Variants in SEM1 observed in about 807,000 individuals in gnomAD.
SEM1 encodes the protein 26S proteasome complex subunit SEM1.
Under a neutral mutation model 12.7 loss-of-function variants are expected in SEM1, and 3 were observed. The observed-to-expected ratio is 0.24, with a 90% CI of 0.11 to 0.61. The LOEUF is 0.61. Among genes scored for constraint, SEM1 ranks in the 20% least tolerant of loss-of-function variants. The pLI, the probability that SEM1 is intolerant of heterozygous loss-of-function variation, is 0.88. For synonymous variants in SEM1, 30 were observed against 27.8 expected (o/e 1.08, Z -0.25); for missense variants, 59 against 81.3 (o/e 0.73, Z 1.06).
At chr7:96,519,085 C>T (rs1189503064) in intron 2 of SEM1, among the ~76,000 whole-genome samples, 1 of 152,044 alleles carries the variant, frequency 6.6e-6, no homozygotes, top group Non-Finnish European at 1.5e-5. Context: ...AAGCATTTCA[C>T]ATTTTATCAA....
intron 2 of SEM1, among the ~76,000 whole-genome samples, chr7:96,606,279 C>T (rs1246253160): frequency 6.6e-6 from 1 of 152,168 alleles, no homozygotes. Context: ...TAGAAGCCTA[C>T]TCAAGCCAAC....
chr7:96,654,130 T>C (rs1450664186), intron 2 of SEM1, among the ~76,000 whole-genome samples: 1 of 152,208 alleles, frequency 6.6e-6, no homozygotes, highest in Non-Finnish European at 1.5e-5. Context: ...TTCACAGTTA[T>C]TCAATGTTGT....
chr7:96,489,158 A>G (rs1802897341), intron 1 of SEM1, among the ~76,000 whole-genome samples: 1 of 152,170 alleles, frequency 6.6e-6, no homozygotes, highest in Admixed American at 6.5e-5. Context: ...GTACTCTCAC[A>G]GTGCCGCCAG....
chr7:96,601,239 C>G (rs1424743158), intron 2 of SEM1, among the ~76,000 whole-genome samples: 7 of 152,102 alleles, frequency 4.6e-5, no homozygotes, highest in Admixed American at 3.9e-4. Context: ...GACAAAGCTG[C>G]ATTCATGGAA....
At chr7:96,681,181 C>G (rs1789600391) in intron 2 of SEM1, among the ~76,000 whole-genome samples, 1 of 152,048 alleles carries the variant, frequency 6.6e-6, no homozygotes, top group Non-Finnish European at 1.5e-5. Context: ...TGGTGTGTGT[C>G]AATAAGATTG....
intron 2 of SEM1, among the ~76,000 whole-genome samples, chr7:96,616,597 G>A (rs1432743508): frequency 2.0e-5 from 3 of 151,992 alleles, no homozygotes; most frequent in African/African-American, 7.2e-5. Flanking sequence ...ATTTGCTTCT[G>A]GGTACTTAGT....
intron 2 of SEM1, among the ~76,000 whole-genome samples, chr7:96,651,524 A>C (rs878948189): frequency 3.9e-5 from 6 of 152,188 alleles, no homozygotes; most frequent in Admixed American, 2.0e-4. Flanking sequence ...ACTGAAGAAG[A>C]AGCTTCAACC....
intron 2 of SEM1, among the ~76,000 whole-genome samples, chr7:96,623,608 A>G (rs1807964563): frequency 6.7e-6 from 1 of 149,166 alleles, no homozygotes; most frequent in Non-Finnish European, 1.5e-5. Context: ...TTGTTTATAT[A>G]AATATATATG....
chr7:96,541,686 G>T (rs1804960612), intron 2 of SEM1, among the ~76,000 whole-genome samples: 1 of 151,392 alleles, frequency 6.6e-6, no homozygotes, highest in Non-Finnish European at 1.5e-5. Context: ...TGTCCGGAAT[G>T]ATGTTTTCTA....
chr7:96,489,299 T>C (rs1802904336), intron 1 of SEM1, among the ~76,000 whole-genome samples: 1 of 152,148 alleles, frequency 6.6e-6, no homozygotes, highest in Non-Finnish European at 1.5e-5. Context: ...TTCTCAAACA[T>C]TAGTGGCATC....
Position 96,709,808 on chromosome 7 carries a change from G to T in SEM1, c.-45C>A. On this transcript the variant is annotated 5_prime_UTR_variant, in exon 1 of 3. Coordinates refer to ENST00000248566, the MANE Select transcript of SEM1 (RefSeq NM_006304.2). ...CACCTCCCAGATAAGCAGAAAAGTT[G>T]GAACCCTCACTCTTCCTCAAGGAAA... 4 of 1,591,472 alleles carry T rather than the reference G, an allele frequency of 2.5e-6. No homozygotes were observed. The highest frequency in any genetic ancestry group is 2.6e-6 in the Non-Finnish European group (3 of 1,160,388).
chr7:96,660,592 T>C (rs901918243), intron 2 of SEM1, among the ~76,000 whole-genome samples: 11 of 152,162 alleles, frequency 7.2e-5, no homozygotes, highest in African/African-American at 2.7e-4. Context: ...AATGTGCATT[T>C]AGAAATTTTA....
At chr7:96,560,775 G>T in intron 2 of SEM1, among the ~76,000 whole-genome samples, 1 of 151,320 alleles carries the variant, frequency 6.6e-6, no homozygotes, top group African/African-American at 2.4e-5. Context: ...TAACCCCTAT[G>T]GCAGTTGTGT....
At chr7:96,691,061 G>A (rs1313903416) in intron 2 of SEM1, among the ~76,000 whole-genome samples, 2 of 152,186 alleles carry the variant, frequency 1.3e-5, no homozygotes, top group African/African-American at 2.4e-5. Context: ...GTGAGCCACT[G>A]CGCCTGGCCT....
At chr7:96,567,525 T>A (rs909098471) in intron 2 of SEM1, among the ~76,000 whole-genome samples, 1 of 151,488 alleles carries the variant, frequency 6.6e-6, no homozygotes, top group East Asian at 1.9e-4. Flanking sequence ...TCCACATTTA[T>A]AACCTCTAAA....
chr7:96,535,557 A>G (rs1804762494), intron 2 of SEM1, among the ~76,000 whole-genome samples: 1 of 151,888 alleles, frequency 6.6e-6, no homozygotes, highest in Non-Finnish European at 1.5e-5. Flanking sequence ...AGATTCTTTC[A>G]TCACCCAGGC....
rs765181530 is a variant in SEM1, at chr7:96,622,590, C to G, written c.*26G>C. The G allele has an allele frequency of 5.2e-6, 4 of 764,490 alleles. No individual in the cohort carries two copies. The Admixed American group carries it at 6.8e-5, about 13-fold the overall frequency. The allele number at this position is 764,490 out of a possible 1,614,324, so 47.4% of individuals were successfully genotyped here. On this transcript the variant is annotated 3_prime_UTR_variant, in exon 3 of 3. Transcript: ENST00000417009. ...GCTGCATGATCAATGTGAAGCCTGA[C>G]TCCTGAGTATTGGCAATTCTCCCCG...
chr7:96,582,844 C>G (rs1279051279), intron 2 of SEM1, among the ~76,000 whole-genome samples: 2 of 152,094 alleles, frequency 1.3e-5, no homozygotes, highest in African/African-American at 2.4e-5. Flanking sequence ...TTTATTGCGT[C>G]TATTTGATTC....
chr7:96,646,252 A>C (rs1808789878), intron 2 of SEM1, among the ~76,000 whole-genome samples: 1 of 152,156 alleles, frequency 6.6e-6, no homozygotes, highest in Admixed American at 6.5e-5. Context: ...TACAATGGTA[A>C]AGTTGAGTAG....
Sources: allele counts gnomAD v4.1 joint callset (sites outside exome capture counted in the v4.1 genomes callset), GRCh38; gene constraint gnomAD v4.1.1; transcripts MANE v1.5; gene names NCBI Gene and HGNC (gene_info 2026-07-23, HGNC 2026-07-21).